KLRG1: variants seen among roughly 807,000 people sequenced by gnomAD.
KLRG1 encodes the protein killer cell lectin-like receptor subfamily G member 1.
KLRG1 carries 16 observed loss-of-function variants against 21.8 expected under a neutral mutation model. That is an observed-to-expected ratio of 0.73 (90% confidence interval 0.50 to 1.11). The LOEUF (loss-of-function observed/expected upper bound fraction) is 1.11, where lower values mean the gene tolerates loss of function less well. Among genes scored for constraint, KLRG1 ranks in the 50% most tolerant of loss-of-function variants. The pLI is 0.00. For synonymous variants in KLRG1, 69 were observed against 75.9 expected (o/e 0.91, Z 0.47); for missense variants, 173 against 218.3 (o/e 0.79, Z 1.31).
intron 3 of KLRG1, among the ~76,000 whole-genome samples, chr12:9,002,910 T>TACAGAC (rs1555143507): frequency 6.9e-6 from 1 of 144,618 alleles, no homozygotes; most frequent in Non-Finnish European, 1.5e-5. Flanking sequence ...CTCTTTCTAA[T>TACAGAC]ACACACACAC....
chr12:9,033,402 A>C, the KLRG1 span, among the ~76,000 whole-genome samples: 1 of 152,016 alleles, frequency 6.6e-6, no homozygotes, highest in Non-Finnish European at 1.5e-5. Context: ...CTACAATCAT[A>C]CCACTGCACT....
At chr12:9,021,169 C>T in the KLRG1 span, among the ~76,000 whole-genome samples, 52,411 of 151,858 alleles carry the variant, frequency 0.35, 9,029 homozygotes, top group Admixed American at 0.39. Context: ...AGATAAAAAA[C>T]GGTACACCGG....
At chr12:8,994,020 A>G (rs1222050207) in intron 2 of KLRG1, among the ~76,000 whole-genome samples, 4 of 152,178 alleles carry the variant, frequency 2.6e-5, no homozygotes, top group Non-Finnish European at 5.9e-5. Flanking sequence ...GAATTTTGGA[A>G]TCTTGGTTGG....
intron 1 of KLRG1, among the ~76,000 whole-genome samples, chr12:8,956,286 GT>G (rs1172943269): frequency 3.3e-5 from 5 of 152,212 alleles, no homozygotes; most frequent in Non-Finnish European, 7.3e-5. Flanking sequence ...CCGTGGGCTG[GT>G]GGGACTGAAC....
At chr12:9,198,045 CAT>C in the KLRG1 span, among the ~76,000 whole-genome samples, 78,442 of 141,876 alleles carry the variant, frequency 0.55, 21,669 homozygotes, top group Admixed American at 0.63. Context: ...TATATGCAAA[CAT>C]ATATATATAT....
the KLRG1 span, chr12:9,101,562 T>G: frequency 6.2e-7 from 1 of 1,613,952 alleles, no homozygotes; most frequent in Non-Finnish European, 8.5e-7. Context: ...GGGCTCAAGG[T>G]GGACAAAGCT....
the KLRG1 span, among the ~76,000 whole-genome samples, chr12:9,030,608 A>C: frequency 6.6e-6 from 1 of 152,094 alleles, no homozygotes; most frequent in Non-Finnish European, 1.5e-5. Context: ...GGGTTTCACT[A>C]TGCTGGCCAG....
the KLRG1 span, chr12:9,201,135 G>A: frequency 1.9e-6 from 3 of 1,549,596 alleles, no homozygotes; most frequent in Admixed American, 3.6e-5. Context: ...TGATTTTGAA[G>A]GTGATAATTA....
At chr12:9,063,706 A>ATT in the KLRG1 span, among the ~76,000 whole-genome samples, 1 of 152,192 alleles carries the variant, frequency 6.6e-6, no homozygotes, top group East Asian at 1.9e-4. Flanking sequence ...TGGGGCAATG[A>ATT]ATAGCTTGAG....
the KLRG1 span, among the ~76,000 whole-genome samples, chr12:9,194,900 A>G: frequency 5.3e-5 from 8 of 152,050 alleles, no homozygotes; most frequent in Admixed American, 2.6e-4. Context: ...TGTGTTCTGA[A>G]CTCTACTAGC....
At chr12:9,051,980 G>A in the KLRG1 span, among the ~76,000 whole-genome samples, 1 of 152,326 alleles carries the variant, frequency 6.6e-6, no homozygotes, top group Admixed American at 6.5e-5. Context: ...GCACGAAGGT[G>A]GCATTCTCTA....
At chr12:8,991,776 A>G (rs1946976305) in intron 1 of KLRG1, among the ~76,000 whole-genome samples, 1 of 152,148 alleles carries the variant, frequency 6.6e-6, no homozygotes. Flanking sequence ...TCCTCCTACA[A>G]ATATTGCTGC....
chr12:9,016,259 A>G, the KLRG1 span, among the ~76,000 whole-genome samples: 3 of 152,136 alleles, frequency 2.0e-5, no homozygotes, highest in East Asian at 1.9e-4. Flanking sequence ...ACCTTTAGCC[A>G]TACTACGTAA....
the KLRG1 span, among the ~76,000 whole-genome samples, chr12:9,094,792 A>G: frequency 6.6e-6 from 1 of 152,166 alleles, no homozygotes; most frequent in Non-Finnish European, 1.5e-5. Context: ...TCAGCCTAAC[A>G]CATGTACCTC....
At chr12:9,148,179 T>C in the KLRG1 span, among the ~76,000 whole-genome samples, 1 of 152,324 alleles carries the variant, frequency 6.6e-6, no homozygotes, top group South Asian at 2.1e-4. Context: ...CATTGTAGAA[T>C]GGTTAAGTCA....
chr12:8,991,497 A>G (rs1234074980), intron 1 of KLRG1, among the ~76,000 whole-genome samples: 1 of 152,200 alleles, frequency 6.6e-6, no homozygotes, highest in East Asian at 1.9e-4. Flanking sequence ...TAGGGTAAAA[A>G]GTCTTTTTCC....
the KLRG1 span, chr12:9,154,761 G>A: frequency 2.0e-5 from 32 of 1,614,026 alleles, no homozygotes; most frequent in South Asian, 3.5e-4. Flanking sequence ...CTCCACCTCA[G>A]CAGAGGGAGC....
the KLRG1 span, chr12:9,115,535 T>G: frequency 2.3e-6 from 1 of 427,374 alleles, no homozygotes; most frequent in Non-Finnish European, 4.2e-6. Context: ...AAGCTAAAAA[T>G]TTCTGACACC....
the KLRG1 span, among the ~76,000 whole-genome samples, chr12:9,142,573 A>C: frequency 2.6e-5 from 4 of 152,228 alleles, no homozygotes; most frequent in Non-Finnish European, 4.4e-5. Context: ...TGATTTAAGC[A>C]CTTATTTTTC....
Sources: allele counts gnomAD v4.1 joint callset (sites outside exome capture counted in the v4.1 genomes callset), GRCh38; gene constraint gnomAD v4.1.1; transcripts MANE v1.5; gene names NCBI Gene and HGNC (gene_info 2026-07-23, HGNC 2026-07-21).